Variants in ADGRB3 observed in about 807,000 individuals in gnomAD.
ADGRB3 encodes brain-specific angiogenesis inhibitor 3.
In ADGRB3, 37 loss-of-function variants were observed where a neutral mutation model predicts 193.4. The observed-to-expected ratio is 0.19, with a 90% CI of 0.15 to 0.25. The LOEUF (loss-of-function observed/expected upper bound fraction) is 0.25, where lower values mean the gene tolerates loss of function less well. ADGRB3 is among the 10% of genes least tolerant of loss of function. The probability of loss-of-function intolerance (pLI) is 1.00; values close to 1 mark genes in which losing one functional copy is unlikely to be tolerated. For missense variants in ADGRB3, 1,637 were observed against 1,852.9 expected, an observed-to-expected ratio of 0.88 and a Z score of 2.14; for synonymous variants, 690 against 644.2, an observed-to-expected ratio of 1.07 and a Z score of -1.08.
At chr6:69,179,293 A>G (rs1775518004) in intron 17 of ADGRB3, among the ~76,000 whole-genome samples, 2 of 152,240 alleles carry the variant, frequency 1.3e-5, no homozygotes, top group South Asian at 4.1e-4. Context: ...AAAGCTTTCA[A>G]TTGCATTTTG....
chr6:68,936,701 A>C (rs1398005804), intron 5 of ADGRB3, 21 bp downstream of exon 5: 3 of 1,602,224 alleles, frequency 1.9e-6, no homozygotes, highest in Non-Finnish European at 2.6e-6. Context: ...CAGCAACTAC[A>C]ACTGTGGATG....
intron 17 of ADGRB3, among the ~76,000 whole-genome samples, chr6:69,171,451 A>G (rs1331189601): frequency 3.9e-5 from 6 of 152,196 alleles, no homozygotes; most frequent in South Asian, 2.1e-4. Flanking sequence ...CTGATTGCCA[A>G]TCAGGTATCC....
intron 16 of ADGRB3, among the ~76,000 whole-genome samples, chr6:69,073,122 T>A (rs181754199): frequency 1.4e-4 from 21 of 152,368 alleles, no homozygotes; most frequent in African/African-American, 4.8e-4. Flanking sequence ...GCTTGGATTG[T>A]TACAGGAACA....
rs898545982 is a variant in ADGRB3 at position 68,724,973 on chromosome 6, G to A, written c.757+85541G>A. Among the ~76,000 whole-genome samples the A allele has an allele frequency of 2.0e-5, 3 of 151,316 alleles. No individual in the cohort carries two copies. In the Admixed American group the frequency reaches 2.0e-4, roughly 10 times the overall value. ...TTTATAATCTGGTCTGTTTTTTTCCGCAAATATATGTATATTTATTAGACC... is the reference window on the plus strand; with the variant it reads ...TTTATAATCTGGTCTGTTTTTTTCCACAAATATATGTATATTTATTAGACC... On this transcript the variant is annotated intron_variant, in intron 3 of 31. Transcript: ENST00000370598.
chr6:68,707,850 A>G (rs1173566700), intron 3 of ADGRB3, among the ~76,000 whole-genome samples: 1 of 152,186 alleles, frequency 6.6e-6, no homozygotes. Context: ...TAGGTACAGC[A>G]CTAACACAAG....
intron 20 of ADGRB3, among the ~76,000 whole-genome samples, chr6:69,273,117 TCTTGAACTC>T (rs1254608723): frequency 6.6e-6 from 1 of 152,122 alleles, no homozygotes; most frequent in Non-Finnish European, 1.5e-5. Context: ...GCCAAGCTGG[TCTTGAACTC>T]CTGACCTGAG....
chr6:68,829,456 G>C (rs918739452), intron 3 of ADGRB3, among the ~76,000 whole-genome samples: 9 of 151,904 alleles, frequency 5.9e-5, no homozygotes, highest in Non-Finnish European at 1.3e-4. Flanking sequence ...CATTGCTGTA[G>C]AACCAAAGCA....
intron 3 of ADGRB3, among the ~76,000 whole-genome samples, chr6:68,701,653 A>AT (rs1175554174): frequency 6.6e-6 from 1 of 152,038 alleles, no homozygotes; most frequent in Non-Finnish European, 1.5e-5. Context: ...ATTAAATCTC[A>AT]TTTTTTGCCA....
intron 3 of ADGRB3, among the ~76,000 whole-genome samples, chr6:68,770,608 G>T (rs550453878): frequency 3.9e-5 from 6 of 152,200 alleles, no homozygotes; most frequent in East Asian, 3.9e-4. Context: ...CCTCTTCATT[G>T]TGTCCTAAAA....
chr6:69,157,742 C>A (rs976667299), intron 17 of ADGRB3, among the ~76,000 whole-genome samples: 5 of 151,616 alleles, frequency 3.3e-5, no homozygotes, highest in African/African-American at 1.2e-4. Flanking sequence ...ATTCCCTTTC[C>A]CCTCCATGAT....
chr6:69,270,416 C>A (rs1438556794), intron 20 of ADGRB3, among the ~76,000 whole-genome samples: 1 of 152,050 alleles, frequency 6.6e-6, no homozygotes, highest in African/African-American at 2.4e-5. Flanking sequence ...CAAGAGGAAA[C>A]TTGTAAGCAT....
At chr6:68,668,871 G>A (rs890302542) in intron 3 of ADGRB3, among the ~76,000 whole-genome samples, 4 of 151,706 alleles carry the variant, frequency 2.6e-5, no homozygotes, top group Middle Eastern at 3.4e-3. Context: ...AGACTTCTCC[G>A]GACTCCCCCA....
chr6:69,162,097 G>A (rs1402445307), intron 17 of ADGRB3, among the ~76,000 whole-genome samples: 1 of 152,080 alleles, frequency 6.6e-6, no homozygotes, highest in African/African-American at 2.4e-5. Context: ...CAAGGTGATG[G>A]TTGTGGTGCT....
At chr6:69,227,410 G>A (rs1465274270) in intron 17 of ADGRB3, among the ~76,000 whole-genome samples, 1 of 152,158 alleles carries the variant, frequency 6.6e-6, no homozygotes, top group Non-Finnish European at 1.5e-5. Flanking sequence ...GGAGTGACAT[G>A]ATTTTTAGTG....
intron 17 of ADGRB3, among the ~76,000 whole-genome samples, chr6:69,107,069 A>G (rs1168989273): frequency 2.0e-5 from 3 of 152,232 alleles, no homozygotes; most frequent in East Asian, 3.8e-4. Context: ...AATGTATTTA[A>G]TAACTATCTT....
At chr6:69,388,569 G>A in intron 31 of ADGRB3, 134 bp from the exon 32 acceptor site, 1 of 763,754 alleles carries the variant, frequency 1.3e-6, no homozygotes, top group Non-Finnish European at 2.1e-6. Context: ...TCCCACAGTT[G>A]GCCGTATTTT....
chr6:69,115,041 T>G (rs1300099494), intron 17 of ADGRB3, among the ~76,000 whole-genome samples: 1 of 152,188 alleles, frequency 6.6e-6, no homozygotes, highest in Non-Finnish European at 1.5e-5. Context: ...GTGTGGCGAT[T>G]CCTCAGGGAT....
chr6:68,740,715 A>G (rs539844921), intron 3 of ADGRB3, among the ~76,000 whole-genome samples: 1 of 152,342 alleles, frequency 6.6e-6, no homozygotes, highest in South Asian at 2.1e-4. Flanking sequence ...ATTATGTGTT[A>G]GTAAAACATA....
chr6:69,137,304 C>T (rs1374178374), intron 17 of ADGRB3, among the ~76,000 whole-genome samples: 1 of 151,818 alleles, frequency 6.6e-6, no homozygotes, highest in Non-Finnish European at 1.5e-5. Context: ...GATGTTATTC[C>T]TTGCTAAATA....
Sources: allele counts gnomAD v4.1 joint callset (sites outside exome capture counted in the v4.1 genomes callset), GRCh38; gene constraint gnomAD v4.1.1; transcripts MANE v1.5; gene names NCBI Gene and HGNC (gene_info 2026-07-23, HGNC 2026-07-21).